The following TEX9 variants were observed in gnomAD, a reference collection of about 807,000 sequenced individuals.
The protein encoded by TEX9 is testis expressed 9, also known as testis-expressed protein 9.
A neutral mutation model predicts 59.6 loss-of-function variants in TEX9; 74 were observed. The observed-to-expected ratio is 1.24, with a 90% CI of 1.03 to 1.51. The LOEUF is 1.51. TEX9 is among the 40% of genes most tolerant of loss of function. The probability of loss-of-function intolerance (pLI) is 0.00; values close to 1 mark genes in which losing one functional copy is unlikely to be tolerated. For synonymous variants in TEX9, 186 were observed against 152.2 expected (o/e 1.22, Z -1.64); for missense variants, 522 against 447.8 (o/e 1.17, Z -1.49).
chr15:56,284,640 C>A (rs1302745152), intron 1 of TEX9, among the ~76,000 whole-genome samples: 1 of 152,126 alleles, frequency 6.6e-6, no homozygotes, highest in Non-Finnish European at 1.5e-5. Flanking sequence ...TTTCTCTCTC[C>A]AAACATGCCT....
At chr15:56,252,216 A>G (rs565059368) in intron 1 of TEX9, among the ~76,000 whole-genome samples, 2 of 151,926 alleles carry the variant, frequency 1.3e-5, no homozygotes, top group Admixed American at 6.6e-5. Flanking sequence ...TTGTTTGCCT[A>G]TTTCTTGCAT....
chr15:56,369,974 CTA>C (rs1567103251), intron 2 of TEX9, among the ~76,000 whole-genome samples: 1 of 151,436 alleles, frequency 6.6e-6, no homozygotes, highest in East Asian at 1.9e-4. Context: ...TATGCAGTGT[CTA>C]TCTTTCTTCA....
chr15:56,421,917 C>A (rs1157093657), intron 10 of TEX9: 14 of 151,542 alleles, frequency 9.2e-5, no homozygotes, highest in African/African-American at 3.4e-4. Flanking sequence ...AGTAGAGCCG[C>A]AATAAACATA....
At chr15:56,358,429 C>T (rs75683631) in intron 1 of TEX9, among the ~76,000 whole-genome samples, 2,514 of 150,912 alleles carry the variant, frequency 0.017, 68 homozygotes, top group African/African-American at 0.057. Context: ...AAGAAAATCC[C>T]TTTTAACTTA....
chr15:56,418,984 G>C (rs1323759376), intron 10 of TEX9, among the ~76,000 whole-genome samples: 1 of 151,876 alleles, frequency 6.6e-6, no homozygotes, highest in African/African-American at 2.4e-5. Flanking sequence ...CTATAGATCA[G>C]TTTTGGGAAA....
intron 1 of TEX9, among the ~76,000 whole-genome samples, chr15:56,291,769 G>A (rs1392385569): frequency 2.0e-5 from 3 of 152,096 alleles, no homozygotes; most frequent in African/African-American, 4.8e-5. Context: ...CTTGGGTATG[G>A]GTATGTCTTT....
intron 3 of TEX9, among the ~76,000 whole-genome samples, chr15:56,379,080 AAAAAG>A (rs201225968): frequency 0.066 from 9,627 of 144,786 alleles, 902 homozygotes; most frequent in African/African-American, 0.23. Flanking sequence ...ACAAAAAAAA[AAAAAG>A]AAAGAAAGAA....
intron 12 of TEX9, among the ~76,000 whole-genome samples, chr15:56,444,042 G>T (rs529782474): frequency 1.2e-4 from 19 of 152,068 alleles, no homozygotes; most frequent in African/African-American, 4.6e-4. Context: ...GTAGAATACT[G>T]TGATAGTCTC....
chr15:56,404,700 C>T (rs975046028), intron 9 of TEX9, among the ~76,000 whole-genome samples: 1 of 152,156 alleles, frequency 6.6e-6, no homozygotes, highest in Non-Finnish European at 1.5e-5. Flanking sequence ...TATTGTGGCA[C>T]TATTCACAAT....
intron 1 of TEX9, among the ~76,000 whole-genome samples, chr15:56,285,196 C>G (rs977812588): frequency 7.9e-5 from 12 of 152,060 alleles, no homozygotes; most frequent in African/African-American, 2.7e-4. Flanking sequence ...TAGTTGCAGT[C>G]TCTTGATTTT....
chr15:56,445,752 C>A (rs530075897), exon 13 of TEX9: 47 of 152,144 alleles, frequency 3.1e-4, no homozygotes, highest in African/African-American at 1.1e-3. Context: ...ATTCGACTTT[C>A]ATTTTGTGGA....
exon 3 of TEX9, chr15:56,373,455 A>G: frequency 6.3e-7 from 1 of 1,589,894 alleles, no homozygotes; most frequent in Non-Finnish European, 8.5e-7. Flanking sequence ...TTAAATGCAG[A>G]ATTGCAGGCA....
At position 56,306,919 on chromosome 15, in the gene TEX9, C is replaced by T. The variant is rs149896761; in HGVS notation, c.-107+62641C>T. 2.8e-3 allele frequency among the ~76,000 whole-genome samples: 433 copies of T among 152,188 alleles called. 4 individuals are homozygous for T. The highest frequency in any genetic ancestry group is 9.9e-3 in the African/African-American group (411 of 41,506). On this transcript the variant is annotated intron_variant, in intron 1 of 5. Coordinates refer to the TEX9 transcript ENST00000560827. ...ATTGAAAATTAAAAGAAACTTATAC[C>T]GGCCATTAATACAGTTATATTTAGT...
chr15:56,452,614 G>A, the TEX9 span, among the ~76,000 whole-genome samples: 2 of 151,672 alleles, frequency 1.3e-5, no homozygotes, highest in African/African-American at 2.4e-5. Flanking sequence ...CGCCTCCCAG[G>A]TTCAAGCGAT....
At chr15:56,402,760 C>A (rs2048861700) in intron 9 of TEX9, among the ~76,000 whole-genome samples, 1 of 152,172 alleles carries the variant, frequency 6.6e-6, no homozygotes, top group African/African-American at 2.4e-5. Flanking sequence ...CTGAATCCAG[C>A]AGCATATCAA....
At chr15:56,439,111 A>T (rs1297415618) in intron 12 of TEX9, among the ~76,000 whole-genome samples, 2 of 152,184 alleles carry the variant, frequency 1.3e-5, no homozygotes, top group African/African-American at 4.8e-5. Flanking sequence ...TACAAGATAA[A>T]CACAAAAATA....
chr15:56,404,156 C>A (rs1297202008), intron 9 of TEX9, among the ~76,000 whole-genome samples: 1 of 152,110 alleles, frequency 6.6e-6, no homozygotes, highest in Non-Finnish European at 1.5e-5. Context: ...AACTAAAGAC[C>A]TTCTGCACAT....
intron 4 of TEX9, 39 bp from the exon 5 acceptor site, chr15:56,388,433 A>T: frequency 2.0e-6 from 3 of 1,477,372 alleles, no homozygotes; most frequent in Non-Finnish European, 2.8e-6. Flanking sequence ...GCTCAGTGTC[A>T]TCTATTATTA....
Position 56,377,280 on chromosome 15 carries a change from A to G in TEX9, c.183+3776A>G, listed in dbSNP as rs543847981. ...TATAAATTTTAGGATTGTTTTTTCTATTTCTGTGAAAATGCGATTGGTATT... is the reference window on the plus strand; with the variant it reads ...TATAAATTTTAGGATTGTTTTTTCTGTTTCTGTGAAAATGCGATTGGTATT... On this transcript the variant is annotated intron_variant, in intron 3 of 12. Coordinates refer to ENST00000352903, the Ensembl canonical transcript of TEX9. 6.6e-5 allele frequency among the ~76,000 whole-genome samples: 10 copies of G among 152,126 alleles called. No individual in the cohort carries two copies. In the South Asian group the frequency reaches 1.9e-3, roughly 28 times the overall value.
Sources: gnomAD v4.1 joint callset for allele counts (sites outside exome capture counted in the v4.1 genomes callset) on GRCh38, gnomAD v4.1.1 for gene constraint, MANE v1.5 for transcripts, NCBI Gene and HGNC (gene_info 2026-07-23, HGNC 2026-07-21) for gene names.